The following MAGI2 variants were observed in gnomAD, a reference collection of about 807,000 sequenced individuals.
The protein encoded by MAGI2 is membrane associated guanylate kinase, WW and PDZ domain containing 2, also known as membrane-associated guanylate kinase, WW and PDZ domain-containing protein 2.
In MAGI2, 35 loss-of-function variants were observed where a neutral mutation model predicts 133.3. The ratio of observed to expected loss-of-function variants is 0.26; its 90% CI spans 0.20 to 0.35. The LOEUF (loss-of-function observed/expected upper bound fraction) is 0.35. Among genes scored for constraint, MAGI2 ranks in the 10% least tolerant of loss-of-function variants. MAGI2 has a pLI of 1.00. For missense variants in MAGI2, 1,636 were observed against 1,863.4 expected (o/e 0.88, Z 2.25); for synonymous variants, 729 against 710.6 (o/e 1.03, Z -0.41).
chr7:79,373,769 T>C (rs1372449685), intron 1 of MAGI2, among the ~76,000 whole-genome samples: 1 of 152,040 alleles, frequency 6.6e-6, no homozygotes, highest in Non-Finnish European at 1.5e-5. Context: ...CTGGTGGAAA[T>C]AACACTGGCC....
chr7:79,356,145 T>C (rs1016989831), intron 1 of MAGI2, among the ~76,000 whole-genome samples: 4 of 152,144 alleles, frequency 2.6e-5, no homozygotes, highest in Non-Finnish European at 5.9e-5. Context: ...TAATAATATG[T>C]GAAATAGGTT....
intron 1 of MAGI2, among the ~76,000 whole-genome samples, chr7:79,193,639 C>T (rs1827846178): frequency 6.6e-6 from 1 of 151,586 alleles, no homozygotes; most frequent in African/African-American, 2.4e-5. Context: ...CATTAAATAT[C>T]AAATTAAAAA....
At chr7:79,177,297 A>G (rs1826186572) in intron 1 of MAGI2, 1 of 152,074 alleles carries the variant, frequency 6.6e-6, no homozygotes, top group Admixed American at 6.6e-5. Context: ...TAAAAACACT[A>G]TGGTAAGACA....
chr7:78,848,649 T>C (rs566558086), intron 2 of MAGI2, among the ~76,000 whole-genome samples: 46 of 152,100 alleles, frequency 3.0e-4, no homozygotes, highest in Admixed American at 7.2e-4. Context: ...TTCAATAACA[T>C]GTATTTCTCT....
At chr7:78,489,649 C>T (rs770079084) in intron 6 of MAGI2, 112 bp downstream of exon 6, 9 of 792,204 alleles carry the variant, frequency 1.1e-5, no homozygotes, top group Middle Eastern at 2.4e-4. Flanking sequence ...AACATTACAT[C>T]GTTAAAATTG....
At chr7:78,998,475 G>T (rs1490409877) in intron 2 of MAGI2, among the ~76,000 whole-genome samples, 1 of 152,020 alleles carries the variant, frequency 6.6e-6, no homozygotes, top group African/African-American at 2.4e-5. Flanking sequence ...ATGAGTTAGT[G>T]GCAGAACCTG....
chr7:78,751,510 A>G (rs1823457131), intron 2 of MAGI2, among the ~76,000 whole-genome samples: 1 of 152,222 alleles, frequency 6.6e-6, no homozygotes, highest in African/African-American at 2.4e-5. Context: ...TTATTCATTT[A>G]GCAATTACAA....
chr7:78,172,795 G>A (rs1194613130), intron 14 of MAGI2, among the ~76,000 whole-genome samples: 2 of 152,172 alleles, frequency 1.3e-5, no homozygotes, highest in East Asian at 1.9e-4. Context: ...GCAACTAAAT[G>A]AGGCTAGCAC....
chr7:79,077,592 AAAAT>A (rs1160161708), intron 1 of MAGI2, among the ~76,000 whole-genome samples: 130 of 126,852 alleles, frequency 1.0e-3, no homozygotes, highest in East Asian at 3.9e-3. Flanking sequence ...AAAAAAAAAA[AAAAT>A]AAATAAATAA....
chr7:78,283,498 TAATA>T (rs1178703273), intron 9 of MAGI2, among the ~76,000 whole-genome samples: 1 of 152,144 alleles, frequency 6.6e-6, no homozygotes, highest in African/African-American at 2.4e-5. Context: ...TAAATATACC[TAATA>T]AATTACGAAG....
intron 7 of MAGI2, among the ~76,000 whole-genome samples, chr7:78,353,986 C>A (rs1368767053): frequency 6.6e-6 from 1 of 152,084 alleles, no homozygotes; most frequent in Non-Finnish European, 1.5e-5. Context: ...GGATGATGTA[C>A]CTTATTCCTG....
intron 21 of MAGI2, among the ~76,000 whole-genome samples, chr7:78,074,209 C>T (rs1177171220): frequency 1.3e-5 from 2 of 152,176 alleles, no homozygotes; most frequent in Admixed American, 6.5e-5. Flanking sequence ...GACATATTTG[C>T]GGCATGTTTA....
chr7:78,131,158 C>G (rs1821521592), intron 18 of MAGI2, among the ~76,000 whole-genome samples: 1 of 152,222 alleles, frequency 6.6e-6, no homozygotes, highest in South Asian at 2.1e-4. Flanking sequence ...CTGGGGAAAG[C>G]CAGTGCAATC....
At chr7:78,338,824 A>T (rs550080510) in intron 9 of MAGI2, among the ~76,000 whole-genome samples, 1 of 152,324 alleles carries the variant, frequency 6.6e-6, no homozygotes, top group South Asian at 2.1e-4. Context: ...AAAATTATAC[A>T]GTTAGCAATA....
chr7:79,222,428 AC>A (rs1427133301), intron 1 of MAGI2, among the ~76,000 whole-genome samples: 1 of 152,084 alleles, frequency 6.6e-6, no homozygotes, highest in East Asian at 1.9e-4. Context: ...AGTTGGATGG[AC>A]CTAGGACCAA....
intron 2 of MAGI2, among the ~76,000 whole-genome samples, chr7:78,886,818 A>G (rs563367834): frequency 9.9e-4 from 151 of 152,302 alleles, no homozygotes; most frequent in Non-Finnish European, 1.9e-3. Flanking sequence ...GGTAAATTAC[A>G]TGGTGATATG....
At chr7:78,283,669 TTC>T (rs1795852832) in intron 9 of MAGI2, among the ~76,000 whole-genome samples, 1 of 152,078 alleles carries the variant, frequency 6.6e-6, no homozygotes, top group South Asian at 2.1e-4. Flanking sequence ...GGCTAGGAAA[TTC>T]TTTTTCATAA....
chr7:78,052,600 C>T (rs1584951585), intron 21 of MAGI2, among the ~76,000 whole-genome samples: 1 of 152,340 alleles, frequency 6.6e-6, no homozygotes, highest in East Asian at 1.9e-4. Context: ...TGCTTACTCT[C>T]AGCAATGGGG....
chr7:78,845,280 T>C (rs1253303545), intron 2 of MAGI2, among the ~76,000 whole-genome samples: 1 of 151,966 alleles, frequency 6.6e-6, no homozygotes. Context: ...TCTATTACTT[T>C]ATCATCTGCT....
Sources: allele counts gnomAD v4.1 joint callset (sites outside exome capture counted in the v4.1 genomes callset), GRCh38; gene constraint gnomAD v4.1.1; transcripts MANE v1.5; gene names NCBI Gene and HGNC (gene_info 2026-07-23, HGNC 2026-07-21).